The following MS4A14 variants were observed in gnomAD, a reference collection of about 807,000 sequenced individuals.
The protein encoded by MS4A14 is membrane spanning 4-domains A14.
Under a neutral mutation model 16.7 loss-of-function variants are expected in MS4A14, and 18 were observed. The observed-to-expected ratio is 1.08, with a 90% CI of 0.75 to 1.60. The LOEUF (loss-of-function observed/expected upper bound fraction) is 1.60, where lower values mean the gene tolerates loss of function less well. Ranked by LOEUF, MS4A14 falls within the 40% of genes most tolerant of loss-of-function variation. The pLI is 0.00. For missense variants in MS4A14, 812 were observed against 775.3 expected, an observed-to-expected ratio of 1.05 and a Z score of -0.56; for synonymous variants, 305 against 289.4, an observed-to-expected ratio of 1.05 and a Z score of -0.55.
At chr11:60,397,606 AGGG>A (rs2085645784) in intron 1 of MS4A14, among the ~76,000 whole-genome samples, 1 of 152,186 alleles carries the variant, frequency 6.6e-6, no homozygotes, top group South Asian at 2.1e-4. Context: ...TGGTAACACC[AGGG>A]AAGATAGAAA....
chr11:60,396,783 C>T (rs1443692078), intron 1 of MS4A14, 67 bp downstream of exon 1: 3 of 1,491,208 alleles, frequency 2.0e-6, no homozygotes, highest in Non-Finnish European at 2.7e-6. Context: ...TCATGTATGT[C>T]TGCAGAGATA....
At chr11:60,413,623 A>C (rs533102083) in intron 4 of MS4A14, among the ~76,000 whole-genome samples, 1 of 152,118 alleles carries the variant, frequency 6.6e-6, no homozygotes, top group Non-Finnish European at 1.5e-5. Flanking sequence ...CAATACTAAA[A>C]TAAGTTACAC....
At chr11:60,415,076 C>G (rs2085918603) in intron 4 of MS4A14, among the ~76,000 whole-genome samples, 1 of 152,020 alleles carries the variant, frequency 6.6e-6, no homozygotes, top group Admixed American at 6.6e-5. Context: ...CTTTGATTCC[C>G]AGCATTTAGT....
chr11:60,401,074 C>T (rs1438509955), intron 3 of MS4A14, among the ~76,000 whole-genome samples: 2 of 152,122 alleles, frequency 1.3e-5, no homozygotes, highest in African/African-American at 4.8e-5. Context: ...TAGGATTGAA[C>T]CAAGGCTATC....
intron 4 of MS4A14, among the ~76,000 whole-genome samples, chr11:60,409,748 GA>G (rs1358375572): frequency 6.6e-6 from 1 of 151,480 alleles, no homozygotes; most frequent in Non-Finnish European, 1.5e-5. Context: ...GGGATTTCTG[GA>G]TCATATTTGT....
In MS4A14 at chr11:60,407,219, C is replaced by CA. The variant is rs1195677491; in HGVS notation, c.468+4158_468+4159insA. Among the ~76,000 whole-genome samples the CA allele has an allele frequency of 2.0e-5, 3 of 151,916 alleles. No individual in the cohort carries two copies. In the East Asian group the frequency reaches 5.8e-4, roughly 29 times the overall value. The stretch of plus-strand genomic sequence containing the variant: ...TTTTTTTTGTAGAAATAGGGTTTTG[C>CA]CACGTTGCCCAGGCTGCTCTCAAAC... On this transcript the variant is annotated intron_variant, in intron 4 of 4. Coordinates refer to ENST00000300187, the MANE Select transcript of MS4A14 (RefSeq NM_032597.5).
In MS4A14 at chr11:60,416,104, A is replaced by G. The variant is rs775223950; in HGVS notation, c.1136A>G (p.Asp379Gly). Reference sequence around the variant, plus strand: ...CTGTTTCATGACATGACATCCCAAGATATGCAATCCCTAGATATGCTATCT... The same window carrying G: ...CTGTTTCATGACATGACATCCCAAGGTATGCAATCCCTAGATATGCTATCT... ...DMLFHDMTSQDMQSLDMLSQD... is the reference protein window; with the variant it reads ...DMLFHDMTSQGMQSLDMLSQD... Residue 379 changes from aspartate (D) to glycine (G), a missense_variant, in exon 5 of 5, where the codon GAT (aspartate) becomes GGT (glycine). By Grantham distance (94) the Asp-to-Gly change is moderately conservative. Transcript: ENST00000300187. 1.2e-6 allele frequency: 2 copies of G among 1,609,632 alleles called. No individual in the cohort carries two copies. The highest frequency in any genetic ancestry group is 1.3e-5 in the African/African-American group (1 of 74,838).
intron 3 of MS4A14, among the ~76,000 whole-genome samples, chr11:60,402,088 G>T (rs978192982): frequency 2.6e-5 from 4 of 152,102 alleles, no homozygotes; most frequent in African/African-American, 9.7e-5. Flanking sequence ...AGTGATATCA[G>T]TCCTGGGAGT....
intron 3 of MS4A14, among the ~76,000 whole-genome samples, chr11:60,401,903 G>A (rs1364775556): frequency 6.6e-6 from 1 of 152,176 alleles, no homozygotes; most frequent in African/African-American, 2.4e-5. Context: ...TAAACATTAA[G>A]TCACAAGTAC....
At position 60,406,053 on chromosome 11, in the gene MS4A14, A is replaced by C. The variant is rs113263446; in HGVS notation, c.468+2992A>C. On this transcript the variant is annotated intron_variant, in intron 4 of 4. Coordinates refer to ENST00000300187, the MANE Select transcript of MS4A14 (RefSeq NM_032597.5). ...TCCTGTTCCTGTTGGGATACTGCACACAATGATGTCTGATTTATTAGTAGG... is the reference window on the plus strand; with the variant it reads ...TCCTGTTCCTGTTGGGATACTGCACCCAATGATGTCTGATTTATTAGTAGG... 6 of 962,912 alleles carry C rather than the reference A, an allele frequency of 6.2e-6. No individual in the cohort carries two copies. In the African/African-American group the frequency reaches 6.8e-5, roughly 11 times the overall value. The allele number at this position is 962,912 out of a possible 1,614,324, so 59.6% of individuals were successfully genotyped here.
In MS4A14 at chr11:60,416,883, C is replaced by G. The variant is rs762674960; in HGVS notation, c.1915C>G (p.Leu639Val). The change falls in exon 5 of 5, where the codon CTG (leucine) becomes GTG (valine). Residue 639 changes from leucine to valine, a missense_variant. Leu to Val is a conservative substitution (Grantham distance 32, BLOSUM62 1). Transcript: ENST00000300187. ...QQAQVEKVPK[L>V]LCQDSESQIQ... Reference sequence around the variant, plus strand: ...AGCTCAGGTGGAGAAAGTGCCAAAACTGTTATGCCAAGATTCAGAATCCCA... The same window carrying G: ...AGCTCAGGTGGAGAAAGTGCCAAAAGTGTTATGCCAAGATTCAGAATCCCA... 18 of 1,613,584 alleles carry G rather than the reference C, an allele frequency of 1.1e-5. No individual in the cohort carries two copies. In the African/African-American group the frequency reaches 1.7e-4, roughly 16 times the overall value.
At position 60,416,627 on chromosome 11, in the gene MS4A14, A is replaced by G. The variant is rs2135158390; in HGVS notation, c.1659A>G (p.Gln553=). The G allele has an allele frequency of 6.2e-7, 1 of 1,613,924 alleles. No homozygotes were observed. Among genetic ancestry groups the G allele is most frequent in the Non-Finnish European group, 8.5e-7 (1 of 1,179,960 alleles). The change falls in exon 5 of 5, where the codon CAA becomes CAG. Residue 553 remains glutamine, a synonymous_variant. Transcript: ENST00000300187. ...GGCACTCCGTAGATAAGCAAGCTCA[A>G]CTTAATCAAACTAAAGAGCAACTCC... ...PKRHSVDKQA[Q]LNQTKEQLPD...
Position 60,415,628 on chromosome 11 carries a change from AC to A in MS4A14, c.662del (p.Pro221GlnfsTer35), listed in dbSNP as rs1565180464. The stretch of plus-strand genomic sequence containing the variant: ...TCTCTAGGAGTCCTTTAGTCTCCCA[AC>A]CAGGTAATAAAGGTAGAGAATTTGT... ...TLSRSPLVSQ[P>X]GNKGREFVPD... is the part of the protein sequence containing the mutation. On this transcript the variant is annotated frameshift_variant, in exon 5 of 5. Coordinates refer to ENST00000300187, the MANE Select transcript of MS4A14 (RefSeq NM_032597.5). LOFTEE classifies it low-confidence loss of function (END_TRUNC). 6.2e-7 allele frequency: 1 copy of A among 1,613,846 alleles called. No individual in the cohort carries two copies. Among genetic ancestry groups the A allele is most frequent in the South Asian group, 1.1e-5 (1 of 91,070 alleles).
In MS4A14 at chr11:60,415,835, G is replaced by T. The variant is rs759147098; in HGVS notation, c.867G>T (p.Met289Ile). 2 of 1,613,852 alleles carry T rather than the reference G, an allele frequency of 1.2e-6. No homozygotes were observed. The highest frequency in any genetic ancestry group is 2.2e-5 in the South Asian group (2 of 91,074). ...CTGCTATTGTACAACCTTCTCAAAT[G>T]CAAACCAAGCTTCTGCAGGACCAAG... ...LQSAIVQPSQ[M>I]QTKLLQDQAA... The change falls in exon 5 of 5, where the codon ATG becomes ATT. Residue 289 changes from methionine to isoleucine, a missense_variant. Transcript: ENST00000300187.
At chr11:60,405,935 T>C (rs1443094214) in intron 4 of MS4A14, 2 of 1,534,548 alleles carry the variant, frequency 1.3e-6, no homozygotes, top group South Asian at 2.4e-5. Flanking sequence ...GAGCTCAGCA[T>C]CTCTGTGACT....
intron 4 of MS4A14, among the ~76,000 whole-genome samples, chr11:60,412,549 T>C (rs554557973): frequency 9.2e-5 from 14 of 152,004 alleles, no homozygotes; most frequent in Non-Finnish European, 1.8e-4. Flanking sequence ...CAATACTTTA[T>C]ACTTTTACTC....
chr11:60,413,798 T>A (rs1429159948), intron 4 of MS4A14, among the ~76,000 whole-genome samples: 1 of 152,096 alleles, frequency 6.6e-6, no homozygotes, highest in African/African-American at 2.4e-5. Context: ...AATTTCTCTG[T>A]GCCAGTTTCT....
chr11:60,399,884 TC>T (rs1409442203), intron 2 of MS4A14, among the ~76,000 whole-genome samples: 2 of 151,926 alleles, frequency 1.3e-5, no homozygotes, highest in Non-Finnish European at 2.9e-5. Context: ...AAGGTTCCCA[TC>T]CCCAGAACAT....
chr11:60,416,831 C>T lies in MS4A14; in HGVS notation c.1863C>T (p.Phe621=). 1.2e-6 allele frequency: 2 copies of T among 1,613,638 alleles called. No homozygotes were observed. The highest frequency in any genetic ancestry group is 1.3e-5 in the African/African-American group (1 of 74,980). The change falls in exon 5 of 5, where the codon TTC becomes TTT. Residue 621 remains phenylalanine, a synonymous_variant. Transcript: ENST00000300187. The part of the protein sequence containing the change: ...AQEKKSPKGQ[F]QNVQAEGQQA... The stretch of plus-strand genomic sequence containing the variant: ...AGAAGAAATCCCCGAAAGGACAATT[C>T]CAAAATGTTCAAGCCGAAGGACAGC...
Sources: gnomAD v4.1 joint callset for allele counts (sites outside exome capture counted in the v4.1 genomes callset) on GRCh38, gnomAD v4.1.1 for gene constraint, MANE v1.5 for transcripts, NCBI Gene and HGNC (gene_info 2026-07-23, HGNC 2026-07-21) for gene names.